Variants in ESCO1 observed in about 807,000 individuals in gnomAD.
ESCO1 encodes the protein N-acetyltransferase ESCO1.
ESCO1 carries 33 observed loss-of-function variants against 83.5 expected under a neutral mutation model. The ratio of observed to expected loss-of-function variants is 0.40; its 90% confidence interval spans 0.30 to 0.53. The LOEUF is 0.53. ESCO1 is among the 20% of genes least tolerant of loss of function. ESCO1 has a pLI of 0.63. For synonymous variants in ESCO1, 332 were observed against 324.3 expected, an observed-to-expected ratio of 1.02 and a Z score of -0.25; for missense variants, 855 against 968.0, an observed-to-expected ratio of 0.88 and a Z score of 1.55.
At chr18:21,561,812 C>T (rs749723338) in intron 7 of ESCO1, among the ~76,000 whole-genome samples, 3 of 152,152 alleles carry the variant, frequency 2.0e-5, no homozygotes, top group African/African-American at 4.8e-5. Context: ...AAGCGATCCT[C>T]CTGCCTCGGC....
At chr18:21,580,417 G>A (rs910541856) in intron 2 of ESCO1, among the ~76,000 whole-genome samples, 5 of 152,204 alleles carry the variant, frequency 3.3e-5, no homozygotes, top group Admixed American at 1.3e-4. Context: ...TCAAAATGCT[G>A]AAGAAAAATT....
chr18:21,543,684 A>C (rs1011228807), intron 8 of ESCO1, among the ~76,000 whole-genome samples: 15 of 152,358 alleles, frequency 9.8e-5, no homozygotes, highest in African/African-American at 3.6e-4. Context: ...AGGTTGAATG[A>C]GAATATACAT....
rs751769250 is a variant in ESCO1 at position 21,574,141 on chromosome 18, C to T, written c.703G>A (p.Asp235Asn). ...GTTACAGGCACAGGTTTCGTTTCGTCTCTTCTAGTAGTCTTCTGAGGACAC... is the reference window on the plus strand; with the variant it reads ...GTTACAGGCACAGGTTTCGTTTCGTTTCTTCTAGTAGTCTTCTGAGGACAC... Reference protein sequence around the residue: ...EKCPQKTTRRDETKPVPVTSE... With the variant: ...EKCPQKTTRRNETKPVPVTSE... The change falls in exon 4 of 12, where the codon GAC (aspartate) becomes AAC (asparagine). Residue 235 changes from aspartate (D) to asparagine (N), a missense_variant. By Grantham distance (23) the Asp-to-Asn change is conservative (BLOSUM62 1). Around this residue, in one of 2 missense-constraint regions of ESCO1, gnomAD observed 726 missense variants for 699.5 expected, o/e 1.04. Transcript: ENST00000269214. The T allele has an allele frequency of 1.9e-6, 3 of 1,613,740 alleles. No homozygotes were observed. The African/African-American group carries it at 4.0e-5, about 22-fold the overall frequency.
Position 21,536,028 on chromosome 18 carries a change from CT to C in ESCO1, c.2187+13del, listed in dbSNP as rs773981355. On this transcript the variant is annotated intron_variant, in intron 10 of 11. Transcript: ENST00000269214. ...AAACACCAAATTACTTAAGAACACT[CT>C]TTTATCACTTACCCATTGGATATGT... The C allele has an allele frequency of 4.3e-6, 7 of 1,612,262 alleles. No homozygotes were observed. In the East Asian group the frequency reaches 6.7e-5, roughly 15 times the overall value.
intron 8 of ESCO1, among the ~76,000 whole-genome samples, chr18:21,546,766 C>G (rs2037979533): frequency 6.6e-6 from 1 of 152,158 alleles, no homozygotes; most frequent in African/African-American, 2.4e-5. Flanking sequence ...AGGCTGGTCT[C>G]AAACTCCTGA....
intron 1 of ESCO1, among the ~76,000 whole-genome samples, chr18:21,593,857 T>A (rs1306073413): frequency 6.6e-6 from 1 of 150,464 alleles, no homozygotes; most frequent in African/African-American, 2.4e-5. Flanking sequence ...ATCCTGAAAG[T>A]CCTGACCCTG....
At chr18:21,560,732 C>T (rs2038173298) in intron 8 of ESCO1, 127 bp downstream of exon 8, 1 of 1,148,720 alleles carries the variant, frequency 8.7e-7, no homozygotes, top group Admixed American at 3.0e-5. Context: ...ACTACACGTG[C>T]TTTGTACATA....
intron 9 of ESCO1, among the ~76,000 whole-genome samples, chr18:21,538,287 TAAAAA>T (rs34369531): frequency 1.6e-5 from 2 of 124,720 alleles, no homozygotes; most frequent in Non-Finnish European, 3.4e-5. Context: ...CCCTGTCTCT[TAAAAA>T]AAAAAAAAAA....
rs188155726 is a variant in ESCO1 at position 21,575,514 on chromosome 18, T to A, written c.-587-84A>T. 7.4e-4 allele frequency: 296 copies of A among 398,242 alleles called. 2 individuals carry two copies. The highest frequency in any genetic ancestry group is 5.3e-3 in the African/African-American group (260 of 48,742). 24.7% of individuals were successfully genotyped at this position (398,242 alleles called of 1,614,324 possible). On this transcript the variant is annotated intron_variant, in intron 3 of 11. Transcript: ENST00000269214. The stretch of plus-strand genomic sequence containing the variant: ...AATACTACACAGAAATAACCTTGAT[T>A]TAAGGAAAATCTAACTCCTCCTTTT...
intron 1 of ESCO1, among the ~76,000 whole-genome samples, chr18:21,597,293 G>A (rs1167515917): frequency 6.6e-6 from 1 of 152,054 alleles, no homozygotes; most frequent in Non-Finnish European, 1.5e-5. Context: ...ACATTAAGGA[G>A]ATTTACAAAA....
chr18:21,591,275 GGAGTA>G (rs1365752820), intron 1 of ESCO1, among the ~76,000 whole-genome samples: 1 of 152,176 alleles, frequency 6.6e-6, no homozygotes, highest in African/African-American at 2.4e-5. Context: ...GGCAGAGATT[GGAGTA>G]ATGTGGTCAT....
At chr18:21,560,134 A>G (rs1346368793) in intron 8 of ESCO1, among the ~76,000 whole-genome samples, 1 of 152,170 alleles carries the variant, frequency 6.6e-6, no homozygotes, top group Non-Finnish European at 1.5e-5. Flanking sequence ...ATACAATAAA[A>G]AGAGATTCCA....
In ESCO1 at chr18:21,574,866, C is replaced by T; in HGVS notation, c.-23G>A. 1.3e-6 allele frequency: 2 copies of T among 1,542,896 alleles called. No homozygotes were observed. The highest frequency in any genetic ancestry group is 1.7e-6 in the Non-Finnish European group (2 of 1,158,172). On this transcript the variant is annotated 5_prime_UTR_variant, in exon 4 of 12. Coordinates refer to ENST00000269214, the MANE Select transcript of ESCO1 (RefSeq NM_052911.3). Reference sequence around the variant, plus strand: ...CATTCCTGAGTAATGACTTTCTTTTCTGAGTAGTTTTGAAGAGGATTTTTG... The same window carrying T: ...CATTCCTGAGTAATGACTTTCTTTTTTGAGTAGTTTTGAAGAGGATTTTTG...
chr18:21,540,456 C>T, intron 8 of ESCO1: 1 of 802,080 alleles, frequency 1.2e-6, no homozygotes, highest in Non-Finnish European at 1.6e-6. Context: ...TGCCAAAGAC[C>T]TCCAGGAGGT....
chr18:21,531,926 CT>C (rs1475492355), intron 11 of ESCO1, among the ~76,000 whole-genome samples: 2 of 147,138 alleles, frequency 1.4e-5, no homozygotes, highest in African/African-American at 2.5e-5. Flanking sequence ...ATTGGCTGAC[CT>C]AAAAACCTCT....
At chr18:21,537,795 C>G (rs927543979) in intron 9 of ESCO1, among the ~76,000 whole-genome samples, 5 of 152,066 alleles carry the variant, frequency 3.3e-5, no homozygotes, top group African/African-American at 1.2e-4. Flanking sequence ...AGCAAAAGTT[C>G]CCATGTGCAT....
chr18:21,553,685 C>T (rs1434693741), intron 8 of ESCO1, among the ~76,000 whole-genome samples: 2 of 151,700 alleles, frequency 1.3e-5, no homozygotes, highest in Non-Finnish European at 2.9e-5. Context: ...TGGAGAAACC[C>T]TGTCTCTACT....
At chr18:21,588,698 CTT>C (rs1268617421) in intron 1 of ESCO1, among the ~76,000 whole-genome samples, 1 of 151,944 alleles carries the variant, frequency 6.6e-6, no homozygotes, top group East Asian at 1.9e-4. Context: ...GTGCAAATCT[CTT>C]GAGCACAGGA....
Position 21,567,789 on chromosome 18 carries a change from AC to A in ESCO1, c.1645+190del, listed in dbSNP as rs545278546. Among the ~76,000 whole-genome samples the A allele has an allele frequency of 2.7e-3, 416 of 152,342 alleles. 4 individuals are homozygous for A. Among genetic ancestry groups the A allele is most frequent in the Non-Finnish European group, 2.2e-3 (149 of 68,034 alleles). On this transcript the variant is annotated intron_variant, in intron 5 of 11. Coordinates refer to ENST00000269214, the MANE Select transcript of ESCO1 (RefSeq NM_052911.3). ...GGGAGTCAAAGGGTAGTACTTAGGT[AC>A]TTTAAACAAACCAATCAACAGAAGT...
Sources: allele counts gnomAD v4.1 joint callset (sites outside exome capture counted in the v4.1 genomes callset), GRCh38; gene constraint gnomAD v4.1.1; regional missense constraint gnomAD v4.1.1; transcripts MANE v1.5; gene names NCBI Gene and HGNC (gene_info 2026-07-23, HGNC 2026-07-21).